Variants in DNM3 observed in about 807,000 individuals in gnomAD.
DNM3 encodes the protein dynamin 3, also known as dynamin-3.
Under a neutral mutation model 101.6 loss-of-function variants are expected in DNM3, and 47 were observed. The observed-to-expected ratio is 0.46, with a 90% confidence interval of 0.37 to 0.59. The LOEUF is 0.59. DNM3 is among the 20% of genes least tolerant of loss of function. The pLI is 0.00. For missense variants in DNM3, 849 were observed against 1,085.7 expected (o/e 0.78, Z 3.06); for synonymous variants, 385 against 387.9 (o/e 0.99, Z 0.09).
chr1:172,048,744 C>CA lies in DNM3; in HGVS notation c.1335dup (p.Leu446ThrfsTer17). 1.2e-6 allele frequency: 2 copies of CA among 1,609,352 alleles called. No homozygotes were observed. Among genetic ancestry groups the CA allele is most frequent in the East Asian group, 2.2e-5 (1 of 44,708 alleles). ...TAATCAACACTGTGAAGAAGTGTAC[C>CA]AAAAAAGTAAGTTCGAATTATTTAA... On this transcript the variant is annotated frameshift_variant, in exon 10 of 21. Coordinates refer to ENST00000627582, the MANE Select transcript of DNM3 (RefSeq NM_015569.5). LOFTEE classifies it high-confidence loss of function.
intron 2 of DNM3, among the ~76,000 whole-genome samples, chr1:171,984,474 G>T (rs2045093228): frequency 6.6e-6 from 1 of 152,044 alleles, no homozygotes; most frequent in South Asian, 2.1e-4. Context: ...TCTGCTTTAG[G>T]CACTCTGCCC....
rs1558209680 is a variant in DNM3 at position 171,883,400 on chromosome 1, CA to C, written c.162-38347del. ...ACACACACACACACACACACACACACACACACACACACACCCTGTCAGAATG... is the reference window on the plus strand; with the variant it reads ...ACACACACACACACACACACACACACCACACACACACACCCTGTCAGAATG... On this transcript the variant is annotated intron_variant, in intron 1 of 20. Coordinates refer to ENST00000627582, the MANE Select transcript of DNM3 (RefSeq NM_015569.5). Among the ~76,000 whole-genome samples the C allele has an allele frequency of 3.3e-3, 392 of 119,196 alleles. 4 individuals carry two copies. The highest frequency in any genetic ancestry group is 5.2e-3 in the East Asian group (23 of 4,450). The allele number at this position is 119,196 out of a possible 152,430, so 78.2% of individuals were successfully genotyped here.
intron 14 of DNM3, among the ~76,000 whole-genome samples, chr1:172,183,550 A>T (rs2059417459): frequency 6.6e-6 from 1 of 152,038 alleles, no homozygotes; most frequent in African/African-American, 2.4e-5. Flanking sequence ...AAAACATGTT[A>T]GTTGCTTAAA....
At chr1:172,073,594 G>A (rs1168522017) in intron 11 of DNM3, among the ~76,000 whole-genome samples, 2 of 152,168 alleles carry the variant, frequency 1.3e-5, no homozygotes, top group Non-Finnish European at 2.9e-5. Context: ...ACCCACTGGG[G>A]AGCATTATGT....
chr1:172,023,014 C>G (rs1027211994), intron 4 of DNM3, among the ~76,000 whole-genome samples: 2 of 152,106 alleles, frequency 1.3e-5, no homozygotes, highest in African/African-American at 4.8e-5. Context: ...ATAATTATCT[C>G]TGTTTGGTTT....
chr1:172,332,212 ACTC>A (rs1445402556), intron 17 of DNM3, among the ~76,000 whole-genome samples: 4 of 152,042 alleles, frequency 2.6e-5, no homozygotes, highest in Non-Finnish European at 5.9e-5. Context: ...GTAACAAACA[ACTC>A]CTCAAATCTC....
chr1:172,000,145 G>A (rs6662250), intron 4 of DNM3, among the ~76,000 whole-genome samples: 44,591 of 151,910 alleles, frequency 0.29, 9,365 homozygotes, highest in African/African-American at 0.6. Flanking sequence ...AGAGCCCCGG[G>A]GCACTCCAGT....
intron 14 of DNM3, among the ~76,000 whole-genome samples, chr1:172,225,905 A>C (rs1008265473): frequency 1.3e-5 from 2 of 151,812 alleles, no homozygotes; most frequent in Non-Finnish European, 2.9e-5. Flanking sequence ...TATTTGTGCC[A>C]TTCTACAATT....
chr1:171,889,609 A>G (rs2037084026), intron 1 of DNM3, among the ~76,000 whole-genome samples: 1 of 152,236 alleles, frequency 6.6e-6, no homozygotes, highest in African/African-American at 2.4e-5. Flanking sequence ...AGGTTTAGGT[A>G]TGATAGCGTC....
chr1:172,316,646 T>C (rs1179451529), intron 16 of DNM3, among the ~76,000 whole-genome samples: 8 of 151,996 alleles, frequency 5.3e-5, no homozygotes, highest in African/African-American at 1.9e-4. Flanking sequence ...CAAAGAAGGC[T>C]ATTACATAAT....
Position 172,181,016 on chromosome 1 carries a change from C to T in DNM3, c.1659+49728C>T, listed in dbSNP as rs558908104. ...GAGCACTTACCAAGTGCCGCCACTC[C>T]GCTGGGCTCTGGGGAACACAGCTCT... On this transcript the variant is annotated intron_variant, in intron 14 of 20. Transcript: ENST00000627582. Among the ~76,000 whole-genome samples the T allele has an allele frequency of 3.3e-5, 5 of 152,152 alleles. No homozygotes were observed. The East Asian group carries it at 9.7e-4, about 30-fold the overall frequency.
chr1:172,186,121 A>G (rs968892209), intron 14 of DNM3, among the ~76,000 whole-genome samples: 2 of 152,130 alleles, frequency 1.3e-5, no homozygotes, highest in Non-Finnish European at 2.9e-5. Flanking sequence ...TCCTGGGAAG[A>G]CATTCCAGAG....
At chr1:172,019,004 C>T (rs1572107641) in intron 4 of DNM3, among the ~76,000 whole-genome samples, 2 of 138,590 alleles carry the variant, frequency 1.4e-5, no homozygotes, top group Admixed American at 1.4e-4. Context: ...TCCCTCCTTC[C>T]TTCGCCCCCT....
At chr1:172,343,823 G>T (rs1382337076) in intron 17 of DNM3, among the ~76,000 whole-genome samples, 1 of 152,014 alleles carries the variant, frequency 6.6e-6, no homozygotes, top group Non-Finnish European at 1.5e-5. Context: ...TTTGCCAAAA[G>T]GTTTATTATG....
At chr1:171,933,767 G>C (rs144608850) in intron 2 of DNM3, among the ~76,000 whole-genome samples, 3 of 152,188 alleles carry the variant, frequency 2.0e-5, no homozygotes, top group Non-Finnish European at 4.4e-5. Flanking sequence ...GCCACTGACT[G>C]TAAGTAAAAT....
At chr1:172,194,883 T>G (rs1185042792) in intron 14 of DNM3, among the ~76,000 whole-genome samples, 6 of 152,086 alleles carry the variant, frequency 3.9e-5, no homozygotes. Context: ...TATTGATATG[T>G]GTGAATTTGA....
chr1:172,354,804 A>T (rs574575310), intron 17 of DNM3, among the ~76,000 whole-genome samples: 2 of 152,206 alleles, frequency 1.3e-5, no homozygotes, highest in South Asian at 4.2e-4. Context: ...AGAGCTTTGG[A>T]TGTACTTAGA....
intron 1 of DNM3, among the ~76,000 whole-genome samples, chr1:171,919,402 C>T (rs946569911): frequency 8.5e-5 from 13 of 152,184 alleles, no homozygotes; most frequent in Admixed American, 5.9e-4. Flanking sequence ...TGAGAACATG[C>T]GGTGTTTGGT....
At chr1:172,210,314 C>CTTTTTTTT (rs11330467) in intron 14 of DNM3, among the ~76,000 whole-genome samples, 51 of 84,840 alleles carry the variant, frequency 6.0e-4, no homozygotes, top group Admixed American at 9.0e-4. Flanking sequence ...AGAGAGCGTG[C>CTTTTTTTT]TTTTTTTTTT....
Sources: gnomAD v4.1 joint callset for allele counts (sites outside exome capture counted in the v4.1 genomes callset) on GRCh38, gnomAD v4.1.1 for gene constraint, MANE v1.5 for transcripts, NCBI Gene and HGNC (gene_info 2026-07-23, HGNC 2026-07-21) for gene names.